GNPTAB: variants seen among roughly 807,000 people sequenced by gnomAD.
The protein encoded by GNPTAB is N-acetylglucosamine-1-phosphate transferase subunits alpha and beta.
GNPTAB carries 92 observed loss-of-function variants against 136.6 expected under a neutral mutation model. The ratio of observed to expected loss-of-function variants is 0.67; its 90% CI spans 0.57 to 0.80. GNPTAB has a LOEUF of 0.80. Ranked by LOEUF, GNPTAB falls within the 30% of genes least tolerant of loss-of-function variation. The pLI, the probability that GNPTAB is intolerant of heterozygous loss-of-function variation, is 0.00. For missense variants in GNPTAB, 1,343 were observed against 1,501.8 expected (o/e 0.89, Z 1.75); for synonymous variants, 512 against 535.1 (o/e 0.96, Z 0.60).
chr12:101,790,574 T>C (rs927336320), intron 2 of GNPTAB, among the ~76,000 whole-genome samples: 5 of 152,098 alleles, frequency 3.3e-5, no homozygotes, highest in African/African-American at 1.2e-4. Context: ...GAGACCAGCC[T>C]GGGCAACATA....
chr12:101,802,294 C>A (rs1199447421), intron 1 of GNPTAB, among the ~76,000 whole-genome samples: 2 of 151,720 alleles, frequency 1.3e-5, no homozygotes, highest in African/African-American at 4.8e-5. Flanking sequence ...TTCCTCTAGA[C>A]CCCAAATTTC....
At chr12:101,772,684 A>G (rs1953196319) in intron 7 of GNPTAB, among the ~76,000 whole-genome samples, 1 of 152,192 alleles carries the variant, frequency 6.6e-6, no homozygotes, top group African/African-American at 2.4e-5. Context: ...CAGGGGGATT[A>G]GTAGTCTGCC....
At position 101,786,237 on chromosome 12, in the gene GNPTAB, T is replaced by G. The variant is rs775689222; in HGVS notation, c.366-20A>C. 2.0e-5 allele frequency: 32 copies of G among 1,576,984 alleles called. No individual in the cohort carries two copies. The highest frequency in any genetic ancestry group is 3.4e-5 in the Admixed American group (2 of 58,600). On this transcript the variant is annotated intron_variant, in intron 4 of 20. Transcript: ENST00000299314. The stretch of plus-strand genomic sequence containing the variant: ...TTCTCACTGGAAAGAAACACCAACA[T>G]GCTTACAATTACATTCTTGAAATTT...
chr12:101,830,818 G>T lies in GNPTAB; in HGVS notation c.-143C>A, dbSNP rs940474697. 3.7e-6 allele frequency: 1 copy of T among 273,850 alleles called. No homozygotes were observed. Among genetic ancestry groups the T allele is most frequent in the Non-Finnish European group, 6.9e-6 (1 of 145,100 alleles). 17.0% of individuals were successfully genotyped at this position (273,850 alleles called of 1,614,324 possible). A position where few individuals can be genotyped will look rare whatever the true frequency, so the allele number is the denominator to read the frequency against. On this transcript the variant is annotated 5_prime_UTR_variant, in exon 1 of 21. Coordinates refer to ENST00000299314, the MANE Select transcript of GNPTAB (RefSeq NM_024312.5). ...TCCGGGCGCCGCTCATTGCAGCTCC[G>T]GCGACGGACGCCCGCTCGGCTCCGC...
chr12:101,756,695 A>G (rs1252756541), intron 18 of GNPTAB: 1 of 187,282 alleles, frequency 5.3e-6, no homozygotes, highest in Non-Finnish European at 1.2e-5. Context: ...CAAACCTGCT[A>G]AAGTAACAGT....
At chr12:101,801,595 G>T (rs1161305567) in intron 1 of GNPTAB, among the ~76,000 whole-genome samples, 2 of 146,032 alleles carry the variant, frequency 1.4e-5, no homozygotes, top group African/African-American at 5.1e-5. Context: ...AAAGAGCAAG[G>T]CCTTAAGGAC....
chr12:101,777,831 T>C (rs945258291), intron 7 of GNPTAB, among the ~76,000 whole-genome samples: 3 of 152,172 alleles, frequency 2.0e-5, no homozygotes, highest in African/African-American at 7.2e-5. Flanking sequence ...TCTTCCTCTT[T>C]CTCATTTTCT....
chr12:101,829,558 TA>T (rs1161707708), intron 1 of GNPTAB, among the ~76,000 whole-genome samples: 1 of 152,106 alleles, frequency 6.6e-6, no homozygotes, highest in African/African-American at 2.4e-5. Context: ...TGGGACTTAA[TA>T]AACAGTTAAC....
At chr12:101,823,165 T>C (rs1381630253) in intron 1 of GNPTAB, among the ~76,000 whole-genome samples, 1 of 152,188 alleles carries the variant, frequency 6.6e-6, no homozygotes, top group Non-Finnish European at 1.5e-5. Flanking sequence ...AACACCAAAC[T>C]GTTAGAGAAA....
chr12:101,814,700 A>C (rs1308329791), intron 1 of GNPTAB, among the ~76,000 whole-genome samples: 1 of 152,190 alleles, frequency 6.6e-6, no homozygotes, highest in Non-Finnish European at 1.5e-5. Context: ...CCATCTCATA[A>C]ATAAATAAAT....
intron 1 of GNPTAB, among the ~76,000 whole-genome samples, chr12:101,809,767 T>C (rs1324298628): frequency 6.6e-6 from 1 of 152,116 alleles, no homozygotes; most frequent in Non-Finnish European, 1.5e-5. Flanking sequence ...TGGGAATGAA[T>C]AGGTGAAGCA....
Position 101,805,206 on chromosome 12 carries a change from A to T in GNPTAB, c.118-8444T>A, listed in dbSNP as rs893972209. 7.2e-5 allele frequency among the ~76,000 whole-genome samples: 11 copies of T among 152,198 alleles called. 1 individual carries two copies. The highest frequency in any genetic ancestry group is 6.5e-4 in the Admixed American group (10 of 15,280). The stretch of plus-strand genomic sequence containing the variant: ...AATTTTATTTTTGCAAAATTGTCAT[A>T]AAAAAGTTTACTGAAATGAAGTTTT... On this transcript the variant is annotated intron_variant, in intron 1 of 20. Coordinates refer to ENST00000299314, the MANE Select transcript of GNPTAB (RefSeq NM_024312.5).
At chr12:101,761,921 G>A (rs1452233471) in intron 13 of GNPTAB, among the ~76,000 whole-genome samples, 158 bp from the exon 14 acceptor site, 1 of 152,138 alleles carries the variant, frequency 6.6e-6, no homozygotes, top group Non-Finnish European at 1.5e-5. Context: ...GATCTAAACT[G>A]GACTTAGCAG....
At chr12:101,790,586 T>C (rs2137151081) in intron 2 of GNPTAB, among the ~76,000 whole-genome samples, 1 of 152,188 alleles carries the variant, frequency 6.6e-6, no homozygotes, top group Non-Finnish European at 1.5e-5. Context: ...GGCAACATAG[T>C]GAGAACCTGT....
chr12:101,761,824 A>G (rs1233806065), intron 13 of GNPTAB, 61 bp from the exon 14 acceptor site: 2 of 1,229,792 alleles, frequency 1.6e-6, no homozygotes, highest in African/African-American at 1.5e-5. Context: ...GTACTTTGTT[A>G]CAAGACATTT....
chr12:101,764,145 C>A, intron 13 of GNPTAB, 57 bp downstream of exon 13: 1 of 1,610,076 alleles, frequency 6.2e-7, no homozygotes, highest in Non-Finnish European at 8.5e-7. Context: ...ATGATATTAT[C>A]ATGAGATTAT....
At chr12:101,796,434 T>C (rs1211952334) in intron 2 of GNPTAB, 5 of 635,414 alleles carry the variant, frequency 7.9e-6, no homozygotes, top group African/African-American at 7.3e-5. Flanking sequence ...GAATACTTCA[T>C]GAATTGGTGT....
intron 7 of GNPTAB, among the ~76,000 whole-genome samples, chr12:101,772,219 A>C (rs1953187561): frequency 6.6e-6 from 1 of 152,222 alleles, no homozygotes; most frequent in South Asian, 2.1e-4. Flanking sequence ...AAAAGGGGAG[A>C]GGCCTGAAAA....
At position 101,830,748 on chromosome 12, in the gene GNPTAB, G is replaced by T; in HGVS notation, c.-73C>A. The T allele has an allele frequency of 3.2e-6, 3 of 941,896 alleles. No homozygotes were observed. Among genetic ancestry groups the T allele is most frequent in the Non-Finnish European group, 3.3e-6 (2 of 606,950 alleles). The allele number at this position is 941,896 out of a possible 1,614,324, so 58.3% of individuals were successfully genotyped here. A position where few individuals can be genotyped will look rare whatever the true frequency, so the allele number is the denominator to read the frequency against. On this transcript the variant is annotated 5_prime_UTR_variant, in exon 1 of 21. Coordinates refer to ENST00000299314, the MANE Select transcript of GNPTAB (RefSeq NM_024312.5). ...GCCGCCGCCGCCGCCTCAGCGAGCCGCCATTCAGGGGCCCCGGTCGGGCCG... is the reference window on the plus strand; with the variant it reads ...GCCGCCGCCGCCGCCTCAGCGAGCCTCCATTCAGGGGCCCCGGTCGGGCCG...
Sources: gnomAD v4.1 joint callset for allele counts (sites outside exome capture counted in the v4.1 genomes callset) on GRCh38, gnomAD v4.1.1 for gene constraint, MANE v1.5 for transcripts, NCBI Gene and HGNC (gene_info 2026-07-23, HGNC 2026-07-21) for gene names.